CPNE4: variants seen among roughly 807,000 people sequenced by gnomAD.
CPNE4 encodes copine 4.
In CPNE4, 25 loss-of-function variants were observed where a neutral mutation model predicts 67.9. The ratio of observed to expected loss-of-function variants is 0.37; its 90% CI spans 0.27 to 0.51. The LOEUF is 0.51. Ranked by LOEUF, CPNE4 falls within the 20% of genes least tolerant of loss-of-function variation. The pLI is 0.93. For missense variants in CPNE4, 464 were observed against 690.8 expected, an observed-to-expected ratio of 0.67 and a Z score of 3.68; for synonymous variants, 242 against 244.9, an observed-to-expected ratio of 0.99 and a Z score of 0.11.
intron 1 of CPNE4, among the ~76,000 whole-genome samples, chr3:132,031,437 CACT>C (rs1185635227): frequency 5.9e-5 from 9 of 152,086 alleles, no homozygotes; most frequent in African/African-American, 1.9e-4. Flanking sequence ...TCTTACACAC[CACT>C]GATTAAAAAA....
chr3:131,869,356 G>A lies in CPNE4; in HGVS notation c.180+35908C>T, dbSNP rs199905920. On this transcript the variant is annotated intron_variant, in intron 2 of 15. Transcript: ENST00000429747. ...CATAAAGAATAGAAATAATATTTCAGGATTTTATTAGGACTATTAATTTTT... is the reference window on the plus strand; with the variant it reads ...CATAAAGAATAGAAATAATATTTCAAGATTTTATTAGGACTATTAATTTTT... 5.9e-5 allele frequency among the ~76,000 whole-genome samples: 9 copies of A among 152,180 alleles called. No individual in the cohort carries two copies. In the East Asian group the frequency reaches 1.5e-3, roughly 26 times the overall value.
intron 3 of CPNE4, among the ~76,000 whole-genome samples, chr3:131,706,537 C>T (rs1001377610): frequency 6.6e-6 from 1 of 152,152 alleles, no homozygotes; most frequent in Non-Finnish European, 1.5e-5. Context: ...CTCCTCTTGG[C>T]CAAGGGCATT....
intron 2 of CPNE4, among the ~76,000 whole-genome samples, chr3:131,820,028 A>G (rs993902484): frequency 1.3e-5 from 2 of 152,182 alleles, no homozygotes; most frequent in African/African-American, 4.8e-5. Context: ...TCCTTAGACA[A>G]GTTGCTTACG....
intron 2 of CPNE4, among the ~76,000 whole-genome samples, chr3:131,778,368 T>G (rs1164035259): frequency 6.6e-6 from 1 of 151,856 alleles, no homozygotes; most frequent in Non-Finnish European, 1.5e-5. Context: ...CTGGAGAGAG[T>G]ATAGATTTGG....
At chr3:131,985,261 T>C (rs1368201353) in intron 1 of CPNE4, among the ~76,000 whole-genome samples, 3 of 152,168 alleles carry the variant, frequency 2.0e-5, no homozygotes, top group Admixed American at 1.3e-4. Context: ...TACCATCACA[T>C]TGGGGATTAA....
intron 7 of CPNE4, among the ~76,000 whole-genome samples, chr3:131,637,798 A>G (rs1332868851): frequency 6.6e-6 from 1 of 152,176 alleles, no homozygotes; most frequent in African/African-American, 2.4e-5. Flanking sequence ...AGCATCAGGT[A>G]ACCTATAAAG....
At chr3:131,670,076 GC>G (rs1050382493) in intron 6 of CPNE4, among the ~76,000 whole-genome samples, 3 of 152,152 alleles carry the variant, frequency 2.0e-5, no homozygotes, top group Admixed American at 2.0e-4. Context: ...GGATAGGGCT[GC>G]CTTTGCCCAT....
At chr3:131,937,824 T>A (rs1295777018) in intron 1 of CPNE4, among the ~76,000 whole-genome samples, 1 of 152,068 alleles carries the variant, frequency 6.6e-6, no homozygotes, top group Non-Finnish European at 1.5e-5. Flanking sequence ...TAGTCACATT[T>A]AACAACACAA....
At chr3:131,739,781 C>A (rs771032823) in intron 2 of CPNE4, among the ~76,000 whole-genome samples, 3 of 152,188 alleles carry the variant, frequency 2.0e-5, no homozygotes, top group East Asian at 1.9e-4. Context: ...AGGTGAGGAA[C>A]CTGACACTTG....
chr3:131,921,141 C>T (rs1242559702), intron 1 of CPNE4, among the ~76,000 whole-genome samples: 3 of 152,182 alleles, frequency 2.0e-5, no homozygotes, highest in Admixed American at 6.5e-5. Flanking sequence ...CAGAAACTCA[C>T]TTCCCCCAAG....
At chr3:131,846,315 C>T (rs980529680) in intron 2 of CPNE4, among the ~76,000 whole-genome samples, 2 of 152,154 alleles carry the variant, frequency 1.3e-5, no homozygotes, top group African/African-American at 4.8e-5. Context: ...TCTGGAATCG[C>T]TGGTATCTTC....
chr3:132,032,312 A>G (rs962112604), intron 1 of CPNE4, among the ~76,000 whole-genome samples: 1 of 152,188 alleles, frequency 6.6e-6, no homozygotes, highest in Non-Finnish European at 1.5e-5. Flanking sequence ...AATAAGGTTG[A>G]CCACTCACAG....
At chr3:131,725,105 C>T (rs763290264) in intron 2 of CPNE4, among the ~76,000 whole-genome samples, 1 of 152,164 alleles carries the variant, frequency 6.6e-6, no homozygotes, top group Non-Finnish European at 1.5e-5. Flanking sequence ...CTATGAAAAG[C>T]ATTTATCTCA....
chr3:131,616,942 G>C (rs917931103), intron 7 of CPNE4, among the ~76,000 whole-genome samples: 1 of 152,158 alleles, frequency 6.6e-6, no homozygotes, highest in African/African-American at 2.4e-5. Flanking sequence ...GTCCATCGGG[G>C]ATAATGAGGG....
At chr3:131,594,947 A>G (rs1306039698) in intron 7 of CPNE4, among the ~76,000 whole-genome samples, 1 of 152,238 alleles carries the variant, frequency 6.6e-6, no homozygotes, top group Non-Finnish European at 1.5e-5. Flanking sequence ...ACAGGTGTAT[A>G]CGAAGGTGCT....
chr3:131,740,273 C>A (rs1162599169), intron 2 of CPNE4, among the ~76,000 whole-genome samples: 1 of 152,140 alleles, frequency 6.6e-6, no homozygotes, highest in Non-Finnish European at 1.5e-5. Context: ...TTGGCATGAT[C>A]AAAGGCTTAA....
chr3:131,579,410 A>G, intron 9 of CPNE4, among the ~76,000 whole-genome samples: 1 of 152,202 alleles, frequency 6.6e-6, no homozygotes, highest in Non-Finnish European at 1.5e-5. Context: ...TGCTAACACA[A>G]TATCCTATTC....
At chr3:131,922,027 A>G (rs1198027486) in intron 1 of CPNE4, among the ~76,000 whole-genome samples, 2 of 152,030 alleles carry the variant, frequency 1.3e-5, no homozygotes, top group South Asian at 2.1e-4. Flanking sequence ...GGATCTCATC[A>G]CCCACCCACA....
chr3:131,598,963 C>G (rs1441189989), intron 7 of CPNE4, among the ~76,000 whole-genome samples: 2 of 150,426 alleles, frequency 1.3e-5, no homozygotes, highest in Admixed American at 1.4e-4. Context: ...CCAATTGGGT[C>G]AGAAAGGTAA....
Sources: allele counts gnomAD v4.1 joint callset (sites outside exome capture counted in the v4.1 genomes callset), GRCh38; gene constraint gnomAD v4.1.1; transcripts MANE v1.5; gene names NCBI Gene and HGNC (gene_info 2026-07-23, HGNC 2026-07-21).